The following CSGALNACT1 variants were observed in gnomAD, a reference collection of about 807,000 sequenced individuals.
The protein encoded by CSGALNACT1 is beta4GalNAcT-1.
Under a neutral mutation model 51.0 loss-of-function variants are expected in CSGALNACT1, and 52 were observed. The ratio of observed to expected loss-of-function variants is 1.02; its 90% CI spans 0.82 to 1.29. The LOEUF (loss-of-function observed/expected upper bound fraction) is 1.29, where lower values mean the gene tolerates loss of function less well. CSGALNACT1 is among the 50% of genes most tolerant of loss of function. The pLI, the probability that CSGALNACT1 is intolerant of heterozygous loss-of-function variation, is 0.00. For synonymous variants in CSGALNACT1, 341 were observed against 254.4 expected (o/e 1.34, Z -3.24); for missense variants, 935 against 679.2 (o/e 1.38, Z -4.19).
At chr8:19,705,875 A>T (rs1363100393) in intron 1 of CSGALNACT1, among the ~76,000 whole-genome samples, 2 of 152,212 alleles carry the variant, frequency 1.3e-5, no homozygotes, top group Non-Finnish European at 2.9e-5. Flanking sequence ...ATGCTAGTTA[A>T]AGCTGAATAA....
At chr8:19,528,000 G>A (rs2082031040) in intron 3 of CSGALNACT1, among the ~76,000 whole-genome samples, 1 of 152,094 alleles carries the variant, frequency 6.6e-6, no homozygotes. Context: ...TGAGTCTATA[G>A]GAACTCCAAC....
In CSGALNACT1 at chr8:19,583,093, G is replaced by C. The variant is rs572025965; in HGVS notation, c.-297+8067C>G. 8.5e-5 allele frequency among the ~76,000 whole-genome samples: 13 copies of C among 152,054 alleles called. No homozygotes were observed. In the South Asian group the frequency reaches 1.0e-3, roughly 12 times the overall value. On this transcript the variant is annotated intron_variant, in intron 3 of 9. Transcript: ENST00000454498. Reference sequence around the variant, plus strand: ...CTTTAAACACATGCAATTTTTATTTGTCAATCATACCTCAGTAAAGCTAAG... The same window carrying C: ...CTTTAAACACATGCAATTTTTATTTCTCAATCATACCTCAGTAAAGCTAAG...
chr8:19,752,376 G>T (rs192891260), intron 1 of CSGALNACT1, among the ~76,000 whole-genome samples: 1 of 152,044 alleles, frequency 6.6e-6, no homozygotes, highest in South Asian at 2.1e-4. Flanking sequence ...CTGAGCACCC[G>T]ACATGGAACA....
At chr8:19,722,187 A>T (rs1308275310) in intron 1 of CSGALNACT1, among the ~76,000 whole-genome samples, 1 of 152,202 alleles carries the variant, frequency 6.6e-6, no homozygotes, top group African/African-American at 2.4e-5. Context: ...CCAAGAAGGA[A>T]GCAAAAGAAA....
intron 3 of CSGALNACT1, among the ~76,000 whole-genome samples, chr8:19,588,237 T>A (rs533576761): frequency 6.6e-6 from 1 of 152,022 alleles, no homozygotes; most frequent in African/African-American, 2.4e-5. Context: ...GATATATACA[T>A]ATACTCACAC....
chr8:19,454,748 G>A (rs558970768), intron 5 of CSGALNACT1, among the ~76,000 whole-genome samples: 104 of 151,758 alleles, frequency 6.9e-4, no homozygotes, highest in African/African-American at 2.3e-3. Context: ...TGCTGATTTC[G>A]TTTTGTACTG....
intron 1 of CSGALNACT1, among the ~76,000 whole-genome samples, chr8:19,657,719 G>C (rs1269321623): frequency 6.6e-6 from 1 of 152,334 alleles, no homozygotes; most frequent in East Asian, 1.9e-4. Flanking sequence ...GTTCTAGACA[G>C]TGTTGTAAGA....
At chr8:19,595,165 A>C (rs994082368) in intron 2 of CSGALNACT1, among the ~76,000 whole-genome samples, 24 of 152,238 alleles carry the variant, frequency 1.6e-4, no homozygotes, top group African/African-American at 5.5e-4. Flanking sequence ...TAAAATTTTA[A>C]AACTTAACTA....
intron 3 of CSGALNACT1, among the ~76,000 whole-genome samples, chr8:19,514,502 T>C (rs1162416071): frequency 1.5e-5 from 2 of 137,848 alleles, no homozygotes; most frequent in African/African-American, 2.8e-5. Flanking sequence ...TATATATATA[T>C]ATATATATAC....
intron 1 of CSGALNACT1, among the ~76,000 whole-genome samples, chr8:19,726,087 A>G (rs1589714816): frequency 6.6e-6 from 1 of 152,210 alleles, no homozygotes; most frequent in South Asian, 2.1e-4. Flanking sequence ...ACCTAGGGAA[A>G]GTCATGCGGC....
chr8:19,556,203 T>C (rs904050976), intron 3 of CSGALNACT1, among the ~76,000 whole-genome samples: 4 of 151,920 alleles, frequency 2.6e-5, no homozygotes, highest in Admixed American at 2.6e-4. Context: ...GGTGAAACAC[T>C]GTCTCTACTA....
intron 1 of CSGALNACT1, among the ~76,000 whole-genome samples, chr8:19,640,962 A>G (rs942071252): frequency 6.6e-6 from 1 of 151,934 alleles, no homozygotes; most frequent in African/African-American, 2.4e-5. Flanking sequence ...GAATGAAACC[A>G]TAGAGAAACC....
At chr8:19,592,657 G>C (rs1278372773) in intron 2 of CSGALNACT1, among the ~76,000 whole-genome samples, 1 of 152,158 alleles carries the variant, frequency 6.6e-6, no homozygotes, top group East Asian at 1.9e-4. Context: ...AGGAGGCTAG[G>C]GTGGGAGGAT....
At chr8:19,670,756 G>GGA (rs1295946210) in intron 1 of CSGALNACT1, among the ~76,000 whole-genome samples, 12 of 151,432 alleles carry the variant, frequency 7.9e-5, no homozygotes, top group Non-Finnish European at 4.4e-5. Context: ...CAGCATATGT[G>GGA]CTTAAAGCAT....
intron 3 of CSGALNACT1, among the ~76,000 whole-genome samples, chr8:19,553,483 T>C (rs1224807643): frequency 6.6e-6 from 1 of 151,430 alleles, no homozygotes; most frequent in African/African-American, 2.4e-5. Context: ...CTCTCGCCTA[T>C]CCCAAACTCC....
At chr8:19,466,613 G>C (rs1377503902) in intron 4 of CSGALNACT1, among the ~76,000 whole-genome samples, 6 of 152,176 alleles carry the variant, frequency 3.9e-5, no homozygotes, top group African/African-American at 1.2e-4. Flanking sequence ...CACTATTACA[G>C]TGCCATCACC....
At chr8:19,493,827 G>A (rs2074908134) in intron 4 of CSGALNACT1, among the ~76,000 whole-genome samples, 1 of 151,908 alleles carries the variant, frequency 6.6e-6, no homozygotes, top group South Asian at 2.1e-4. Context: ...TTAAGTTAAT[G>A]TGTGTTTTCA....
chr8:19,649,058 A>G lies in CSGALNACT1; in HGVS notation c.-544+33415T>C, dbSNP rs1023437639. On this transcript the variant is annotated intron_variant, in intron 1 of 9. Transcript: ENST00000332246. ...GAAGACAGACTCACATATAACATTA[A>G]TAGTTGATATTTGCCTACTGTATTC... Among the ~76,000 whole-genome samples, 9 of 152,296 alleles carry G rather than the reference A, an allele frequency of 5.9e-5. No homozygotes were observed. The South Asian group carries it at 1.9e-3, about 32-fold the overall frequency.
chr8:19,743,345 G>C (rs1398687973), intron 1 of CSGALNACT1, among the ~76,000 whole-genome samples: 6 of 152,152 alleles, frequency 3.9e-5, no homozygotes, highest in Non-Finnish European at 8.8e-5. Context: ...GATTACATGT[G>C]TATGTGTATG....
Sources: gnomAD v4.1 joint callset for allele counts (sites outside exome capture counted in the v4.1 genomes callset) on GRCh38, gnomAD v4.1.1 for gene constraint, MANE v1.5 for transcripts, NCBI Gene and HGNC (gene_info 2026-07-23, HGNC 2026-07-21) for gene names.